ABCA9: variants seen among roughly 807,000 people sequenced by gnomAD.
The protein encoded by ABCA9 is ATP binding cassette subfamily A member 9.
A neutral mutation model predicts 205.3 loss-of-function variants in ABCA9; 183 were observed. The ratio of observed to expected loss-of-function variants is 0.89; its 90% CI spans 0.79 to 1.01. ABCA9 has a LOEUF of 1.01. ABCA9 is among the 50% of genes least tolerant of loss of function. The pLI, the probability that ABCA9 is intolerant of heterozygous loss-of-function variation, is 0.00. For synonymous variants in ABCA9, 651 were observed against 683.3 expected (o/e 0.95, Z 0.74); for missense variants, 1,805 against 1,912.4 (o/e 0.94, Z 1.05).
In ABCA9 at chr17:69,027,082, C is replaced by G. The variant is rs2071016082; in HGVS notation, c.1944G>C (p.Leu648Phe). ...ATATTCGGTGCCTTGAAAGAGGATCCAATCCAGCAGTCGGTTCATCCAATA... is the reference window on the plus strand; with the variant it reads ...ATATTCGGTGCCTTGAAAGAGGATCGAATCCAGCAGTCGGTTCATCCAATA... Reference protein sequence around the residue: ...VLLLDEPTAGLDPLSRHRIWN... With the variant: ...VLLLDEPTAGFDPLSRHRIWN... Residue 648 changes from leucine to phenylalanine, a missense_variant, in exon 15 of 39, where the codon TTG (leucine) becomes TTC (phenylalanine). Physicochemically the swap from Leu to Phe is conservative, Grantham distance 22. Coordinates refer to ENST00000340001, the MANE Select transcript of ABCA9 (RefSeq NM_080283.4). 6.2e-7 allele frequency: 1 copy of G among 1,614,118 alleles called. No homozygotes were observed. Among genetic ancestry groups the G allele is most frequent in the Middle Eastern group, 1.6e-4 (1 of 6,062 alleles).
intron 22 of ABCA9, among the ~76,000 whole-genome samples, chr17:69,015,532 T>C (rs2070554410): frequency 6.6e-6 from 1 of 152,158 alleles, no homozygotes; most frequent in Non-Finnish European, 1.5e-5. Flanking sequence ...CCAGATCTAA[T>C]AAAGCTGAAC....
At position 68,989,140 on chromosome 17, in the gene ABCA9, A is replaced by G. The variant is rs959675579; in HGVS notation, c.3956-22T>C. The G allele has an allele frequency of 3.4e-6, 5 of 1,458,328 alleles. No individual in the cohort carries two copies. The African/African-American group carries it at 7.0e-5, about 20-fold the overall frequency. 90.3% of individuals were successfully genotyped at this position (1,458,328 alleles called of 1,614,324 possible). A position where few individuals can be genotyped will look rare whatever the true frequency, so the allele number is the denominator to read the frequency against. ...TCACCTGAAAGAAAGTGGTATGCTC[A>G]GAAATATACAAATAATTGCAACAAA... On this transcript the variant is annotated intron_variant, in intron 30 of 38. Coordinates refer to ENST00000340001, the MANE Select transcript of ABCA9 (RefSeq NM_080283.4).
intron 5 of ABCA9, among the ~76,000 whole-genome samples, chr17:69,044,064 G>A (rs1429287427): frequency 8.5e-5 from 13 of 152,048 alleles, no homozygotes. Context: ...ATGGTGGCAT[G>A]GTCTGTAATC....
At chr17:69,055,832 G>T (rs2072053969) in intron 1 of ABCA9, among the ~76,000 whole-genome samples, 1 of 151,982 alleles carries the variant, frequency 6.6e-6, no homozygotes, top group African/African-American at 2.4e-5. Context: ...GGCAATGGTA[G>T]AATTACACTA....
chr17:68,979,489 C>T (rs558717420), intron 37 of ABCA9, among the ~76,000 whole-genome samples: 1 of 150,944 alleles, frequency 6.6e-6, no homozygotes, highest in African/African-American at 2.5e-5. Context: ...AATCCTAGTC[C>T]AAAAGAACAA....
intron 6 of ABCA9, 141 bp from the exon 7 acceptor site, chr17:69,035,942 C>T: frequency 1.0e-6 from 1 of 1,003,682 alleles, no homozygotes; most frequent in Non-Finnish European, 1.4e-6. Flanking sequence ...TTATCTCCTA[C>T]CCTCAGGATC....
At chr17:69,072,051 G>A in the ABCA9 span, among the ~76,000 whole-genome samples, 1 of 152,154 alleles carries the variant, frequency 6.6e-6, no homozygotes, top group East Asian at 1.9e-4. Flanking sequence ...AGAGAAAAAA[G>A]AATAGAAAGG....
intron 15 of ABCA9, 41 bp downstream of exon 15, chr17:69,026,935 C>T (rs375208815): frequency 1.9e-6 from 3 of 1,608,244 alleles, no homozygotes; most frequent in Non-Finnish European, 2.6e-6. Context: ...CACACTGTCT[C>T]TAACCTCTCA....
chr17:69,032,092 G>C lies in ABCA9; in HGVS notation c.1445+16C>G, dbSNP rs781527062. The C allele has an allele frequency of 3.3e-5, 52 of 1,598,054 alleles. No homozygotes were observed. In the Middle Eastern group the frequency reaches 1.0e-3, roughly 31 times the overall value. On this transcript the variant is annotated intron_variant, in intron 10 of 38. Coordinates refer to ENST00000340001, the MANE Select transcript of ABCA9 (RefSeq NM_080283.4). ...GCCTGTTCTCCATTGGTGCCTCCAA[G>C]TAATTTATTGGTTACCTGATGGCTT...
chr17:68,979,275 A>T (rs1261082208), intron 37 of ABCA9, among the ~76,000 whole-genome samples: 1 of 152,066 alleles, frequency 6.6e-6, no homozygotes, highest in Non-Finnish European at 1.5e-5. Flanking sequence ...TGCTCAAGGA[A>T]ATAAAAGAGG....
intron 37 of ABCA9, among the ~76,000 whole-genome samples, chr17:68,982,357 CTCTG>C (rs1234302293): frequency 6.6e-6 from 1 of 152,190 alleles, no homozygotes; most frequent in Non-Finnish European, 1.5e-5. Context: ...CATCCAACCT[CTCTG>C]TCCGCACTTG....
At chr17:69,009,932 T>C (rs1013812543) in intron 23 of ABCA9, among the ~76,000 whole-genome samples, 1 of 152,172 alleles carries the variant, frequency 6.6e-6, no homozygotes, top group Non-Finnish European at 1.5e-5. Flanking sequence ...ATGCAATATC[T>C]GGAAAATACT....
At chr17:68,976,067 C>T in intron 38 of ABCA9, 54 bp from the exon 39 acceptor site, 1 of 1,602,712 alleles carries the variant, frequency 6.2e-7, no homozygotes. Context: ...CTGCCTCCTG[C>T]AGCTCCAGGC....
At chr17:69,078,813 G>T in the ABCA9 span, 1 of 489,896 alleles carries the variant, frequency 2.0e-6, no homozygotes, top group African/African-American at 2.0e-5. Flanking sequence ...CCCTATGTTT[G>T]AGAGGAAGAA....
chr17:68,975,491 GT>G lies in ABCA9; in HGVS notation c.*423del, dbSNP rs1294741595. On this transcript the variant is annotated 3_prime_UTR_variant, in exon 39 of 39. Transcript: ENST00000340001. ...TAAAAAGCAAATACTGTGCTGCTGG[GT>G]AATCAATTGACTCCCCTTACCCGGA... 6.5e-6 allele frequency: 1 copy of G among 154,166 alleles called. No homozygotes were observed. The highest frequency in any genetic ancestry group is 1.4e-5 in the Non-Finnish European group (1 of 69,372). 9.5% of individuals were successfully genotyped at this position (154,166 alleles called of 1,614,324 possible). A position where few individuals can be genotyped will look rare whatever the true frequency, so the allele number is the denominator to read the frequency against.
chr17:69,033,647 TATTTAGTAC>T (rs2071235465), intron 9 of ABCA9, 70 bp downstream of exon 9: 2 of 1,221,410 alleles, frequency 1.6e-6, no homozygotes, highest in Admixed American at 5.1e-5. Context: ...TGCTAATTTT[TATTTAGTAC>T]ATTGTAGAGT....
chr17:69,040,671 T>C (rs1324224856), intron 6 of ABCA9, among the ~76,000 whole-genome samples: 1 of 152,190 alleles, frequency 6.6e-6, no homozygotes, highest in Non-Finnish European at 1.5e-5. Context: ...TGTATACCTA[T>C]GTAACAAACC....
intron 10 of ABCA9, 132 bp downstream of exon 10, chr17:69,031,976 A>G: frequency 1.4e-6 from 1 of 704,796 alleles, no homozygotes; most frequent in Admixed American, 2.8e-5. Context: ...ATAGCCTTTG[A>G]TGAGTGCAGC....
rs201989973 is a variant in ABCA9 at position 69,051,133 on chromosome 17, C to T, written c.-7G>A. 4.5e-4 allele frequency: 720 copies of T among 1,612,754 alleles called. No homozygotes were observed. Among genetic ancestry groups the T allele is most frequent in the Non-Finnish European group, 5.8e-4 (681 of 1,179,420 alleles). Reference sequence around the variant, plus strand: ...TCATGCGTCTCTTGCTCATTTTGACCTGTTTCCTTTAAAAAGACAGAAAAA... The same window carrying T: ...TCATGCGTCTCTTGCTCATTTTGACTTGTTTCCTTTAAAAAGACAGAAAAA... On this transcript the variant is annotated 5_prime_UTR_variant, in exon 2 of 39. Coordinates refer to ENST00000340001, the MANE Select transcript of ABCA9 (RefSeq NM_080283.4).
Sources: gnomAD v4.1 joint callset for allele counts (sites outside exome capture counted in the v4.1 genomes callset) on GRCh38, gnomAD v4.1.1 for gene constraint, MANE v1.5 for transcripts, NCBI Gene and HGNC (gene_info 2026-07-23, HGNC 2026-07-21) for gene names.